ADGRE3: variants seen among roughly 807,000 people sequenced by gnomAD.
ADGRE3 encodes the protein EGF-like module receptor 3.
In ADGRE3, 88 loss-of-function variants were observed where a neutral mutation model predicts 80.1. The ratio of observed to expected loss-of-function variants is 1.10; its 90% CI spans 0.93 to 1.31. The LOEUF (loss-of-function observed/expected upper bound fraction) is 1.31. Ranked by LOEUF, ADGRE3 falls within the 40% of genes most tolerant of loss-of-function variation. The pLI, the probability that ADGRE3 is intolerant of heterozygous loss-of-function variation, is 0.00. For synonymous variants in ADGRE3, 281 were observed against 294.8 expected (o/e 0.95, Z 0.48); for missense variants, 715 against 776.5 (o/e 0.92, Z 0.94).
chr19:14,617,341 C>CCTCCCTCCCCCTCTTTCTTTCTTT, downstream of ADGRE3, among the ~76,000 whole-genome samples: 1 of 57,170 alleles, frequency 1.7e-5, no homozygotes, highest in African/African-American at 5.9e-5. Flanking sequence ...TCCCTCCCTC[C>CCTCCCTCCCCCTCTTTCTTTCTTT]CTTTCTTTCT....
At chr19:14,636,364 C>T (rs536033123) in intron 11 of ADGRE3, among the ~76,000 whole-genome samples, 9 of 150,822 alleles carry the variant, frequency 6.0e-5, no homozygotes, top group African/African-American at 1.9e-4. Context: ...TGTGCCACCA[C>T]GTCTGGCTAA....
At chr19:14,615,202 C>CTTTTTTTTT (rs34167082), downstream of ADGRE3, among the ~76,000 whole-genome samples, 10 of 65,634 alleles carry the variant, frequency 1.5e-4, no homozygotes, top group Admixed American at 2.4e-4. Flanking sequence ...CAGCTGCCTT[C>CTTTTTTTTT]TTTTTTTTTT....
intron 13 of ADGRE3, among the ~76,000 whole-genome samples, chr19:14,630,769 A>T (rs970786033): frequency 3.9e-5 from 6 of 152,196 alleles, no homozygotes; most frequent in Non-Finnish European, 5.9e-5. Flanking sequence ...TAAAGATTAC[A>T]TGAGACTTTA....
chr19:14,625,475 T>G lies in ADGRE3; in HGVS notation c.1920+17A>C. The G allele has an allele frequency of 2.8e-5, 41 of 1,453,354 alleles. No individual in the cohort carries two copies. Among genetic ancestry groups the G allele is most frequent in the Non-Finnish European group, 4.0e-5 (41 of 1,036,864 alleles). The allele number at this position is 1,453,354 out of a possible 1,614,324, so 90.0% of individuals were successfully genotyped here. Reference sequence around the variant, plus strand: ...GGAGTATGTAAAACATTAGAACAATTCAGATGTTTCACTTACCTCACTGGG... The same window carrying G: ...GGAGTATGTAAAACATTAGAACAATGCAGATGTTTCACTTACCTCACTGGG... On this transcript the variant is annotated intron_variant, in intron 15 of 15. Coordinates refer to ENST00000253673, the MANE Select transcript of ADGRE3 (RefSeq NM_032571.5).
the ADGRE3 span, among the ~76,000 whole-genome samples, chr19:14,608,056 G>C: frequency 8.0e-3 from 1,222 of 152,104 alleles, 17 homozygotes; most frequent in African/African-American, 0.028. Flanking sequence ...ATTTTTAGTA[G>C]AGATGGGGTT....
intron 9 of ADGRE3, among the ~76,000 whole-genome samples, chr19:14,641,829 T>C (rs1306080259): frequency 1.3e-5 from 2 of 152,198 alleles, no homozygotes; most frequent in Non-Finnish European, 2.9e-5. Flanking sequence ...CAATGTAGAT[T>C]GTTAATACAG....
chr19:14,613,265 A>C, the ADGRE3 span, among the ~76,000 whole-genome samples: 2 of 152,140 alleles, frequency 1.3e-5, no homozygotes, highest in Non-Finnish European at 2.9e-5. Flanking sequence ...TCTGTCGCCC[A>C]GGCTGGAGTG....
chr19:14,671,410 C>A (rs1307870281), intron 1 of ADGRE3, among the ~76,000 whole-genome samples: 1 of 152,128 alleles, frequency 6.6e-6, no homozygotes, highest in Non-Finnish European at 1.5e-5. Context: ...TTAAATCCAG[C>A]AGCACAGCAT....
At chr19:14,667,305 C>T (rs988751638) in intron 2 of ADGRE3, among the ~76,000 whole-genome samples, 17 of 151,646 alleles carry the variant, frequency 1.1e-4, no homozygotes, top group African/African-American at 3.9e-4. Flanking sequence ...ATCTACCTTG[C>T]TCATGAATGT....
In ADGRE3 at chr19:14,625,519, C is replaced by G; in HGVS notation, c.1893G>C (p.Lys631Asn). 1 of 1,613,118 alleles carries G rather than the reference C, an allele frequency of 6.2e-7. No homozygotes were observed. The change falls in exon 15 of 16, where the codon AAG becomes AAC. Residue 631 changes from lysine to asparagine, a missense_variant. Physicochemically the swap from Lys to Asn is moderately conservative, Grantham distance 94. Transcript: ENST00000253673. The stretch of plus-strand genomic sequence containing the variant: ...CACTGGGTTTTGAGTCAGGACCCAT[C>G]TTGCTGGAAAGTGTGTATGTCTCAG... The part of the protein sequence containing the change: ...SESETYTLSS[K>N]MGPDSKPSEG...
chr19:14,607,067 C>T, the ADGRE3 span: 1 of 1,338,508 alleles, frequency 7.5e-7, no homozygotes. Context: ...AGGAAGGGGA[C>T]TGGAGGTGGC....
chr19:14,650,569 C>A (rs1971567188), intron 7 of ADGRE3, among the ~76,000 whole-genome samples: 1 of 151,406 alleles, frequency 6.6e-6, no homozygotes, highest in Non-Finnish European at 1.5e-5. Context: ...TCTCTCTTTA[C>A]CCATCTGCCT....
chr19:14,606,043 T>C, the ADGRE3 span, among the ~76,000 whole-genome samples: 1 of 152,118 alleles, frequency 6.6e-6, no homozygotes. Flanking sequence ...AAGCCTGGGC[T>C]TTTGAAATAC....
chr19:14,662,209 G>C, intron 3 of ADGRE3, 91 bp from the exon 4 acceptor site: 1 of 1,329,776 alleles, frequency 7.5e-7, no homozygotes, highest in South Asian at 1.3e-5. Flanking sequence ...TTCCCCCATG[G>C]TCTGTCCTGG....
chr19:14,658,054 C>T (rs866058012), intron 5 of ADGRE3, among the ~76,000 whole-genome samples: 1 of 152,032 alleles, frequency 6.6e-6, no homozygotes, highest in African/African-American at 2.4e-5. Context: ...CGTGAGCCAC[C>T]ACGCCAAGCC....
chr19:14,671,719 T>C (rs1292494348), intron 1 of ADGRE3, among the ~76,000 whole-genome samples: 1 of 152,190 alleles, frequency 6.6e-6, no homozygotes, highest in Non-Finnish European at 1.5e-5. Flanking sequence ...ACATTTTGAA[T>C]ATTCTCAGCT....
chr19:14,607,209 C>CTT, the ADGRE3 span: 9,678 of 299,506 alleles, frequency 0.032, 966 homozygotes, highest in African/African-American at 0.21. Flanking sequence ...GGAGCTGTTT[C>CTT]TTTTTTTTTT....
intron 1 of ADGRE3, among the ~76,000 whole-genome samples, chr19:14,669,705 G>A (rs1972200224): frequency 6.6e-6 from 1 of 151,936 alleles, no homozygotes; most frequent in South Asian, 2.1e-4. Context: ...GGCTAGGCTG[G>A]TCTTGAACCC....
chr19:14,670,952 C>T (rs1972239221), intron 1 of ADGRE3, among the ~76,000 whole-genome samples: 3 of 152,196 alleles, frequency 2.0e-5, no homozygotes, highest in African/African-American at 7.2e-5. Context: ...TTTATTGTGA[C>T]AGTGACTTGT....
Sources: gnomAD v4.1 joint callset for allele counts (sites outside exome capture counted in the v4.1 genomes callset) on GRCh38, gnomAD v4.1.1 for gene constraint, MANE v1.5 for transcripts, NCBI Gene and HGNC (gene_info 2026-07-23, HGNC 2026-07-21) for gene names.